KLHL1: variants seen among roughly 807,000 people sequenced by gnomAD.
KLHL1 encodes kelch like family member 1, also known as kelch-like protein 1.
KLHL1 carries 47 observed loss-of-function variants against 77.7 expected under a neutral mutation model. The observed-to-expected ratio is 0.60, with a 90% CI of 0.48 to 0.77. The LOEUF (loss-of-function observed/expected upper bound fraction) is 0.77, where lower values mean the gene tolerates loss of function less well. KLHL1 is among the 30% of genes least tolerant of loss of function. The pLI is 0.00. For missense variants in KLHL1, 925 were observed against 910.8 expected (o/e 1.02, Z -0.20); for synonymous variants, 360 against 325.2 (o/e 1.11, Z -1.15).
chr13:69,719,619 A>C, intron 8 of KLHL1, 38 bp from the exon 9 acceptor site: 1 of 1,508,414 alleles, frequency 6.6e-7, no homozygotes, highest in Non-Finnish European at 9.2e-7. Flanking sequence ...TTAATATCAT[A>C]GTCTGGATGA....
intron 4 of KLHL1, among the ~76,000 whole-genome samples, chr13:69,925,946 A>T (rs943677282): frequency 5.9e-5 from 9 of 152,194 alleles, no homozygotes; most frequent in Admixed American, 5.9e-4. Context: ...CTACATTTTC[A>T]CCTCATATAG....
At chr13:69,827,675 G>A (rs145551761) in intron 6 of KLHL1, among the ~76,000 whole-genome samples, 2,243 of 146,764 alleles carry the variant, frequency 0.015, 54 homozygotes, top group African/African-American at 0.052. Context: ...AGGTTTCAGT[G>A]AGCCAAGATC....
At chr13:69,826,656 A>T (rs144908760) in intron 6 of KLHL1, among the ~76,000 whole-genome samples, 2 of 152,328 alleles carry the variant, frequency 1.3e-5, no homozygotes, top group South Asian at 2.1e-4. Flanking sequence ...GAGGCAATTT[A>T]TATGTTAATT....
intron 5 of KLHL1, among the ~76,000 whole-genome samples, chr13:69,840,703 T>TATGTATGTATGC (rs1879221040): frequency 2.5e-5 from 3 of 117,706 alleles, no homozygotes; most frequent in Non-Finnish European, 5.8e-5. Context: ...TATATATATG[T>TATGTATGTATGC]ATGTATGTAT....
chr13:69,775,859 A>G lies in KLHL1; in HGVS notation c.1639+20879T>C, dbSNP rs866201473. Among the ~76,000 whole-genome samples, 7 of 151,974 alleles carry G rather than the reference A, an allele frequency of 4.6e-5. No individual in the cohort carries two copies. In the South Asian group the frequency reaches 8.3e-4, roughly 18 times the overall value. On this transcript the variant is annotated intron_variant, in intron 7 of 10. Transcript: ENST00000377844. ...TAGGTGGTAACTGCATTTTAAAAAAATTATTATTCTAGGCCAGGCATGGTG... is the reference window on the plus strand; with the variant it reads ...TAGGTGGTAACTGCATTTTAAAAAAGTTATTATTCTAGGCCAGGCATGGTG...
chr13:69,954,768 A>C (rs1883815214), intron 3 of KLHL1, among the ~76,000 whole-genome samples: 1 of 150,404 alleles, frequency 6.6e-6, no homozygotes. Context: ...TACTTTTCCC[A>C]AATTAGTTTC....
chr13:69,731,255 G>C (rs1307215911), intron 8 of KLHL1, among the ~76,000 whole-genome samples: 1 of 152,098 alleles, frequency 6.6e-6, no homozygotes, highest in African/African-American at 2.4e-5. Flanking sequence ...TATTTGAGAG[G>C]AGTGAGAAGC....
intron 6 of KLHL1, among the ~76,000 whole-genome samples, chr13:69,836,877 G>T (rs1879012716): frequency 6.6e-6 from 1 of 151,758 alleles, no homozygotes; most frequent in South Asian, 2.1e-4. Flanking sequence ...ATAATTAGAA[G>T]AGAGGTATTA....
chr13:69,799,524 T>C (rs1370317137), intron 6 of KLHL1, among the ~76,000 whole-genome samples: 5 of 152,236 alleles, frequency 3.3e-5, no homozygotes. Context: ...TACTCACTTA[T>C]CCTAGTAGCT....
chr13:69,915,529 C>T (rs920202704), intron 4 of KLHL1, among the ~76,000 whole-genome samples: 135 of 152,132 alleles, frequency 8.9e-4, no homozygotes, highest in African/African-American at 3.0e-3. Flanking sequence ...CTGGGAAAAC[C>T]GGCTAGCCAT....
chr13:69,785,184 G>A lies in KLHL1; in HGVS notation c.1639+11554C>T, dbSNP rs557954793. On this transcript the variant is annotated intron_variant, in intron 7 of 10. Transcript: ENST00000377844. ...TGGGATTACAGGCGTGAGCCACCGCGCCCGGCCCAGAATATACATTTTTTT... is the reference window on the plus strand; with the variant it reads ...TGGGATTACAGGCGTGAGCCACCGCACCCGGCCCAGAATATACATTTTTTT... Among the ~76,000 whole-genome samples, 300 of 151,880 alleles carry A rather than the reference G, an allele frequency of 2.0e-3. 1 individual carries two copies. The highest frequency in any genetic ancestry group is 3.4e-3 in the Non-Finnish European group (233 of 67,924).
intron 1 of KLHL1, among the ~76,000 whole-genome samples, chr13:70,039,164 C>T (rs903390607): frequency 3.3e-5 from 5 of 150,470 alleles, no homozygotes; most frequent in Non-Finnish European, 7.4e-5. Context: ...AATTCCTAGG[C>T]TTGAAGAGAT....
intron 1 of KLHL1, among the ~76,000 whole-genome samples, chr13:70,040,870 T>C (rs1396538484): frequency 6.6e-6 from 1 of 152,166 alleles, no homozygotes; most frequent in East Asian, 1.9e-4. Context: ...GGCACAAATA[T>C]TTGATATTTC....
chr13:70,019,075 T>C (rs1441558), intron 1 of KLHL1, among the ~76,000 whole-genome samples: 82,767 of 152,074 alleles, frequency 0.54, 22,785 homozygotes, highest in Non-Finnish European at 0.58. Context: ...CCTGACTTGA[T>C]GTCAGAGTCC....
At chr13:69,806,707 C>G (rs1877633836) in intron 6 of KLHL1, among the ~76,000 whole-genome samples, 1 of 152,126 alleles carries the variant, frequency 6.6e-6, no homozygotes, top group Non-Finnish European at 1.5e-5. Context: ...ATGGAGCTGC[C>G]TAAAGATTCT....
At chr13:69,732,891 T>C (rs1336121085) in intron 8 of KLHL1, among the ~76,000 whole-genome samples, 1 of 152,100 alleles carries the variant, frequency 6.6e-6, no homozygotes, top group African/African-American at 2.4e-5. Flanking sequence ...GTGGCCCAAA[T>C]AGCAGTTGAC....
chr13:69,789,110 A>C (rs1157307918), intron 7 of KLHL1, among the ~76,000 whole-genome samples: 1 of 151,782 alleles, frequency 6.6e-6, no homozygotes, highest in Non-Finnish European at 1.5e-5. Context: ...TGCCTATATT[A>C]AAATCTGTAT....
At chr13:69,909,050 A>T (rs1252944179) in intron 4 of KLHL1, among the ~76,000 whole-genome samples, 1 of 149,706 alleles carries the variant, frequency 6.7e-6, no homozygotes, top group East Asian at 1.9e-4. Context: ...TATTTACCTC[A>T]TATATTTAGT....
chr13:70,014,836 A>T (rs777005687), intron 1 of KLHL1, among the ~76,000 whole-genome samples: 1 of 152,140 alleles, frequency 6.6e-6, no homozygotes, highest in Non-Finnish European at 1.5e-5. Context: ...ACATTCTAGA[A>T]AATGTTATGT....
Sources: allele counts gnomAD v4.1 joint callset (sites outside exome capture counted in the v4.1 genomes callset), GRCh38; gene constraint gnomAD v4.1.1; transcripts MANE v1.5; gene names NCBI Gene and HGNC (gene_info 2026-07-23, HGNC 2026-07-21).